FAM227B: variants seen among roughly 807,000 people sequenced by gnomAD.
The protein encoded by FAM227B is protein FAM227B.
FAM227B carries 88 observed loss-of-function variants against 73.8 expected under a neutral mutation model. The observed-to-expected ratio is 1.19, with a 90% CI of 1.00 to 1.42. The LOEUF is 1.42. FAM227B is among the 40% of genes most tolerant of loss of function. The pLI is 0.00. For missense variants in FAM227B, 632 were observed against 590.9 expected (o/e 1.07, Z -0.72); for synonymous variants, 210 against 190.5 (o/e 1.10, Z -0.84).
intron 11 of FAM227B, chr15:49,434,403 G>A (rs988897277): frequency 6.6e-6 from 1 of 151,386 alleles, no homozygotes; most frequent in African/African-American, 2.4e-5. Flanking sequence ...GGGAGTCAAG[G>A]GAGAACTCCA....
intron 11 of FAM227B, among the ~76,000 whole-genome samples, chr15:49,420,083 G>A (rs940779307): frequency 4.6e-5 from 7 of 152,110 alleles, no homozygotes; most frequent in African/African-American, 1.7e-4. Flanking sequence ...TACTGCTGGT[G>A]GGATTATAAA....
At chr15:49,375,237 TA>T (rs1176812714) in intron 11 of FAM227B, among the ~76,000 whole-genome samples, 2 of 152,180 alleles carry the variant, frequency 1.3e-5, no homozygotes, top group Non-Finnish European at 2.9e-5. Context: ...TGTAGATCGC[TA>T]GCATCGTTAG....
rs537165002 is a variant in FAM227B, at chr15:49,598,007, G to C, written c.106-8000C>G. ...TAATTACCAACAAAAAAAAAGTCCA[G>C]GACAAGGTGGATTCACAGCTGAATT... On this transcript the variant is annotated intron_variant, in intron 3 of 15. Transcript: ENST00000299338. Among the ~76,000 whole-genome samples, 4 of 151,882 alleles carry C rather than the reference G, an allele frequency of 2.6e-5. No homozygotes were observed. The South Asian group carries it at 6.2e-4, about 24-fold the overall frequency.
At chr15:49,385,816 T>C (rs984440133) in intron 11 of FAM227B, among the ~76,000 whole-genome samples, 1 of 151,764 alleles carries the variant, frequency 6.6e-6, no homozygotes, top group African/African-American at 2.4e-5. Context: ...AGGTATTCCA[T>C]GCAAATGGAA....
chr15:49,588,600 T>TAA (rs1491147554), intron 4 of FAM227B, among the ~76,000 whole-genome samples: 3 of 104,680 alleles, frequency 2.9e-5, no homozygotes, highest in East Asian at 2.7e-4. Context: ...TATATATATA[T>TAA]AAAATTACCT....
intron 11 of FAM227B, among the ~76,000 whole-genome samples, chr15:49,457,015 G>A (rs1170798608): frequency 6.6e-6 from 1 of 152,080 alleles, no homozygotes; most frequent in African/African-American, 2.4e-5. Context: ...GTGAGTGGAT[G>A]AATCTAGATT....
rs1456411128 is a variant in FAM227B, at chr15:49,453,239, A to T, written c.1012+54972T>A. Reference sequence around the variant, plus strand: ...ATCTAATACGTCATTTCAACACATAATCAGTATAAAAATATATACATATTT... The same window carrying T: ...ATCTAATACGTCATTTCAACACATATTCAGTATAAAAATATATACATATTT... On this transcript the variant is annotated intron_variant, in intron 11 of 15. Coordinates refer to ENST00000299338, the MANE Select transcript of FAM227B (RefSeq NM_152647.3). 4.6e-5 allele frequency among the ~76,000 whole-genome samples: 7 copies of T among 152,110 alleles called. No homozygotes were observed. The East Asian group carries it at 1.4e-3, about 29-fold the overall frequency.
At chr15:49,596,235 A>G (rs536360052) in intron 3 of FAM227B, among the ~76,000 whole-genome samples, 1 of 152,138 alleles carries the variant, frequency 6.6e-6, no homozygotes, top group Non-Finnish European at 1.5e-5. Flanking sequence ...TAACCTATAG[A>G]GGAAAACCTA....
At chr15:49,548,518 T>C (rs1474006933) in intron 9 of FAM227B, among the ~76,000 whole-genome samples, 1 of 152,220 alleles carries the variant, frequency 6.6e-6, no homozygotes, top group Non-Finnish European at 1.5e-5. Context: ...AGTTTTGGTA[T>C]CCAAATAATA....
intron 11 of FAM227B, among the ~76,000 whole-genome samples, chr15:49,455,017 A>C (rs949907028): frequency 1.7e-4 from 26 of 152,174 alleles, no homozygotes; most frequent in Admixed American, 1.3e-4. Flanking sequence ...CCTTGCCCCT[A>C]AACAGCAGTA....
intron 11 of FAM227B, chr15:49,396,499 C>T (rs1229752696): frequency 1.2e-5 from 2 of 169,920 alleles, no homozygotes; most frequent in Non-Finnish European, 2.6e-5. Context: ...CCCACCACAG[C>T]TCAAGGAGGC....
intron 9 of FAM227B, among the ~76,000 whole-genome samples, chr15:49,562,749 A>G (rs904869188): frequency 2.0e-5 from 3 of 152,156 alleles, no homozygotes; most frequent in Non-Finnish European, 2.9e-5. Flanking sequence ...TTTTTAAAAA[A>G]TATGATCAAC....
chr15:49,447,901 A>C (rs1201995098), intron 11 of FAM227B, among the ~76,000 whole-genome samples: 1 of 151,694 alleles, frequency 6.6e-6, no homozygotes, highest in African/African-American at 2.4e-5. Flanking sequence ...AATTAATATA[A>C]GGTAGAGGTA....
intron 11 of FAM227B, among the ~76,000 whole-genome samples, chr15:49,451,082 A>G (rs1415723515): frequency 6.6e-6 from 1 of 152,146 alleles, no homozygotes; most frequent in Non-Finnish European, 1.5e-5. Context: ...TAAGTCAGAT[A>G]TAATCCCATG....
intron 3 of FAM227B, among the ~76,000 whole-genome samples, chr15:49,599,758 T>G (rs1323910019): frequency 4.6e-5 from 7 of 152,188 alleles, no homozygotes; most frequent in African/African-American, 1.7e-4. Context: ...AATATTATTG[T>G]GGTCACAAGA....
chr15:49,414,053 C>T (rs1187377175), intron 11 of FAM227B, among the ~76,000 whole-genome samples: 1 of 151,910 alleles, frequency 6.6e-6, no homozygotes, highest in Non-Finnish European at 1.5e-5. Flanking sequence ...TTATCCACCC[C>T]CTCCTCCAAT....
intron 1 of FAM227B, among the ~76,000 whole-genome samples, chr15:49,616,938 T>A (rs1481206618): frequency 6.6e-6 from 1 of 152,250 alleles, no homozygotes; most frequent in Non-Finnish European, 1.5e-5. Flanking sequence ...TAAAGGCTTA[T>A]CAATTTTATT....
chr15:49,490,325 C>G lies in FAM227B; in HGVS notation c.1012+17886G>C, dbSNP rs1266111166. 4.6e-5 allele frequency among the ~76,000 whole-genome samples: 7 copies of G among 151,980 alleles called. No individual in the cohort carries two copies. The South Asian group carries it at 8.3e-4, about 18-fold the overall frequency. On this transcript the variant is annotated intron_variant, in intron 11 of 15. Transcript: ENST00000299338. Reference sequence around the variant, plus strand: ...AAGTGCACAAAAGTTCTCCCTCCCCCACCACAGTCCATTCTCAAACAGAGC... The same window carrying G: ...AAGTGCACAAAAGTTCTCCCTCCCCGACCACAGTCCATTCTCAAACAGAGC...
chr15:49,439,308 G>A (rs545179734), intron 11 of FAM227B, among the ~76,000 whole-genome samples: 1 of 151,610 alleles, frequency 6.6e-6, no homozygotes, highest in African/African-American at 2.4e-5. Context: ...GGGAGAAAGA[G>A]AGAGAGAAAG....
Sources: allele counts gnomAD v4.1 joint callset (sites outside exome capture counted in the v4.1 genomes callset), GRCh38; gene constraint gnomAD v4.1.1; transcripts MANE v1.5; gene names NCBI Gene and HGNC (gene_info 2026-07-23, HGNC 2026-07-21).